The following GRIA3 variants were observed in gnomAD, a reference collection of about 807,000 sequenced individuals.
GRIA3 encodes glutamate ionotropic receptor AMPA type subunit 3.
GRIA3 carries 3 observed loss-of-function variants against 63.0 expected under a neutral mutation model. The observed-to-expected ratio is 0.05, with a 90% confidence interval of 0.02 to 0.12. GRIA3 has a LOEUF of 0.12. GRIA3 is among the 10% of genes least tolerant of loss of function. The pLI is 1.00. For missense variants in GRIA3, 347 were observed against 700.9 expected (o/e 0.50, Z 5.70); for synonymous variants, 274 against 257.9 (o/e 1.06, Z -0.60).
At chrX:123,247,774 G>C (rs2044367403) in intron 2 of GRIA3, among the ~76,000 whole-genome samples, 1 of 111,337 alleles carries the variant, frequency 9.0e-6, no homozygotes, top group African/African-American at 3.3e-5. Flanking sequence ...AAGTGAAAGA[G>C]ATGGAAAGTG....
intron 2 of GRIA3, among the ~76,000 whole-genome samples, chrX:123,198,576 G>A (rs764727515): frequency 9.0e-6 from 1 of 111,440 alleles, no homozygotes; most frequent in South Asian, 3.8e-4. Context: ...AAAGAAGCTG[G>A]ATGAGATCAC....
chrX:123,272,538 C>T (rs1381339259), intron 3 of GRIA3, among the ~76,000 whole-genome samples: 4 of 111,646 alleles, frequency 3.6e-5, no homozygotes, highest in Non-Finnish European at 7.5e-5. Flanking sequence ...GTTGACCTTT[C>T]TCATTTTCTT....
intron 12 of GRIA3, among the ~76,000 whole-genome samples, chrX:123,446,296 T>C (rs1175600512): frequency 2.7e-5 from 3 of 112,528 alleles, no homozygotes; most frequent in Non-Finnish European, 5.6e-5. Flanking sequence ...GATTGTACCA[T>C]CTTAAACATT....
At chrX:123,442,972 G>C (rs1409613633) in intron 12 of GRIA3, among the ~76,000 whole-genome samples, 1 of 110,278 alleles carries the variant, frequency 9.1e-6, no homozygotes, top group Non-Finnish European at 1.9e-5. Context: ...ACAGCTGACT[G>C]GCTGAGGTCA....
At chrX:123,409,506 T>C (rs988949205) in intron 10 of GRIA3, among the ~76,000 whole-genome samples, 2 of 111,812 alleles carry the variant, frequency 1.8e-5, no homozygotes, top group Non-Finnish European at 3.8e-5. Context: ...TGCCCCATTA[T>C]GTAAGCCCTT....
intron 3 of GRIA3, among the ~76,000 whole-genome samples, chrX:123,291,383 A>G (rs1460330441): frequency 9.0e-6 from 1 of 110,954 alleles, no homozygotes; most frequent in African/African-American, 3.3e-5. Flanking sequence ...GAATACCATC[A>G]AATGGCAACA....
intron 12 of GRIA3, among the ~76,000 whole-genome samples, chrX:123,459,722 A>G (rs2045782339): frequency 9.1e-6 from 1 of 110,440 alleles, no homozygotes; most frequent in African/African-American, 3.3e-5. Flanking sequence ...GTTATTACAC[A>G]TCCTGCCCAT....
chrX:123,466,308 G>A (rs1228243745), intron 13 of GRIA3, among the ~76,000 whole-genome samples: 2 of 111,813 alleles, frequency 1.8e-5, no homozygotes, highest in East Asian at 2.8e-4. Context: ...ATTTAAGCAG[G>A]CCCCACTTAA....
chrX:123,421,921 A>G, intron 11 of GRIA3, among the ~76,000 whole-genome samples: 1 of 112,148 alleles, frequency 8.9e-6, no homozygotes, highest in East Asian at 2.8e-4. Flanking sequence ...TTTCCACTTC[A>G]TGCTGCTTTT....
chrX:123,342,652 T>C (rs1046351946), intron 4 of GRIA3, among the ~76,000 whole-genome samples: 6 of 112,036 alleles, frequency 5.4e-5, no homozygotes, highest in Non-Finnish European at 1.1e-4. Flanking sequence ...TTATCCAACA[T>C]TCATCACAAG....
At chrX:123,362,330 T>C (rs886428311) in intron 5 of GRIA3, among the ~76,000 whole-genome samples, 1 of 111,569 alleles carries the variant, frequency 9.0e-6, no homozygotes, top group Non-Finnish European at 1.9e-5. Context: ...GTCAATACCG[T>C]GGAAGTCTGC....
chrX:123,185,977 C>T lies in GRIA3; in HGVS notation c.255C>T (p.Ser85=), dbSNP rs1456555180. 1.7e-6 allele frequency: 2 copies of T among 1,205,851 alleles called. No individual in the cohort carries two copies. Among genetic ancestry groups the T allele is most frequent in the African/African-American group, 1.7e-5 (1 of 57,316 alleles). ...VDHLDSSNSF[S]VTNAFCSQFS... is the part of the protein sequence containing the mutation. ...ACTTGGATTCCTCCAATAGTTTTTC[C>T]GTGACAAATGCTTGTAAGTAGATCT... is the stretch of plus-strand genomic sequence containing the variant. Residue 85 remains serine (S), a synonymous_variant, in exon 2 of 16, where the codon TCC becomes TCT. Coordinates refer to ENST00000620443, the MANE Select transcript of GRIA3 (RefSeq NM_007325.5).
chrX:123,475,977 A>G (rs1333657973), intron 13 of GRIA3, among the ~76,000 whole-genome samples: 2 of 111,660 alleles, frequency 1.8e-5, no homozygotes, highest in East Asian at 2.8e-4. Flanking sequence ...CTGTGCCTCA[A>G]TTTCTTTTTG....
chrX:123,380,240 A>T (rs1438888849), intron 5 of GRIA3, among the ~76,000 whole-genome samples: 44 of 102,172 alleles, frequency 4.3e-4, no homozygotes, highest in Middle Eastern at 4.7e-3. Context: ...CAATGGTTGA[A>T]CTAGTTTACA....
chrX:123,239,452 G>A (rs2044318517), intron 2 of GRIA3, among the ~76,000 whole-genome samples: 1 of 108,619 alleles, frequency 9.2e-6, no homozygotes, highest in Non-Finnish European at 2.0e-5. Flanking sequence ...AAAAAAAGGT[G>A]GATGTTTCAA....
rs765913061 is a variant in GRIA3 at position 123,440,467 on chromosome X, T to C, written c.2076+12328T>C. On this transcript the variant is annotated intron_variant, in intron 12 of 15. Transcript: ENST00000620443. Reference sequence around the variant, plus strand: ...AACCTCACCAGCATCTACTATTTTTTGACTTTTTAATAACAGTCATTCTGA... The same window carrying C: ...AACCTCACCAGCATCTACTATTTTTCGACTTTTTAATAACAGTCATTCTGA... Among the ~76,000 whole-genome samples, 3 of 112,657 alleles carry C rather than the reference T, an allele frequency of 2.7e-5. No individual in the cohort carries two copies. The East Asian group carries it at 8.4e-4, about 31-fold the overall frequency.
chrX:123,355,573 T>G (rs752876730), intron 5 of GRIA3, among the ~76,000 whole-genome samples: 24 of 112,519 alleles, frequency 2.1e-4, no homozygotes, highest in Middle Eastern at 9.3e-3. Flanking sequence ...ACAATTTGTT[T>G]AGGAATTAAC....
At chrX:123,282,613 C>A (rs866782399) in intron 3 of GRIA3, among the ~76,000 whole-genome samples, 1 of 112,608 alleles carries the variant, frequency 8.9e-6, no homozygotes, top group African/African-American at 3.2e-5. Flanking sequence ...TTATTAATAA[C>A]GAAAATTACA....
At chrX:123,244,195 T>C (rs1238442065) in intron 2 of GRIA3, among the ~76,000 whole-genome samples, 1 of 112,045 alleles carries the variant, frequency 8.9e-6, no homozygotes, top group Non-Finnish European at 1.9e-5. Context: ...CCCAAGATGG[T>C]AATTAAACCA....
Sources: allele counts gnomAD v4.1 joint callset (sites outside exome capture counted in the v4.1 genomes callset), GRCh38; gene constraint gnomAD v4.1.1; transcripts MANE v1.5; gene names NCBI Gene and HGNC (gene_info 2026-07-23, HGNC 2026-07-21).